Variants in NEMP2 observed in about 807,000 individuals in gnomAD.
The protein encoded by NEMP2 is nuclear envelope integral membrane protein 2, also known as UPF0571 transmembrane protein.
NEMP2 carries 53 observed loss-of-function variants against 54.2 expected under a neutral mutation model. The observed-to-expected ratio is 0.98, with a 90% CI of 0.78 to 1.23. NEMP2 has a LOEUF of 1.23. NEMP2 is among the 50% of genes most tolerant of loss of function. The pLI is 0.00. For missense variants in NEMP2, 455 were observed against 511.3 expected (o/e 0.89, Z 1.06); for synonymous variants, 197 against 190.3 (o/e 1.04, Z -0.29).
chr2:190,568,768 G>A, the NEMP2 span, among the ~76,000 whole-genome samples: 3 of 152,158 alleles, frequency 2.0e-5, no homozygotes, highest in Non-Finnish European at 4.4e-5. The surrounding 1 kb of genome is among the most constrained non-coding windows in gnomAD (Gnocchi z 4.7). Context: ...GTTGCTGTGA[G>A]CCGAGATTGC....
chr2:190,606,925 C>G, the NEMP2 span, among the ~76,000 whole-genome samples: 1 of 152,128 alleles, frequency 6.6e-6, no homozygotes, highest in Non-Finnish European at 1.5e-5. Context: ...ATAAGACCTA[C>G]TGGCAGCTTC....
At position 190,525,475 on chromosome 2, in the gene NEMP2, C is replaced by T. The variant is rs541963064; in HGVS notation, c.98-97G>A. On this transcript the variant is annotated intron_variant, in intron 1 of 8. Transcript: ENST00000409150. This position sits in a 1 kb window ranked among gnomAD's most constrained non-coding sequence, Gnocchi z 5.0. ...AGGGAGGTAACAGTAGCAGTTTTAA[C>T]GTTCTATGGCCAATAAATTCTCCTA... is the stretch of plus-strand genomic sequence containing the variant. 2.3e-5 allele frequency: 14 copies of T among 620,304 alleles called. No homozygotes were observed. The highest frequency in any genetic ancestry group is 1.4e-4 in the East Asian group (5 of 35,824). 38.4% of individuals were successfully genotyped at this position (620,304 alleles called of 1,614,324 possible).
At chr2:190,435,976 G>C in the NEMP2 span, 1 of 1,541,806 alleles carries the variant, frequency 6.5e-7, no homozygotes. Flanking sequence ...TTACTTTACA[G>C]ATCAACAGTA....
In NEMP2 at chr2:190,530,981, T is replaced by C. The variant is rs532700362; in HGVS notation, c.97+3578A>G. ...GAATTTGAGACCAGCCTGGGCAATA[T>C]GGTGAAACCCTGTCTTTACCAAAAA... is the stretch of plus-strand genomic sequence containing the variant. On this transcript the variant is annotated intron_variant, in intron 1 of 8. Coordinates refer to ENST00000409150, the MANE Select transcript of NEMP2 (RefSeq NM_001142645.2). The surrounding 1 kb of genome is among the most constrained non-coding windows in gnomAD (Gnocchi z 4.6). 1.3e-5 allele frequency among the ~76,000 whole-genome samples: 2 copies of C among 152,304 alleles called. No individual in the cohort carries two copies. The highest frequency in any genetic ancestry group is 2.1e-4 in the South Asian group (1 of 4,824).
At chr2:190,592,866 A>G in the NEMP2 span, among the ~76,000 whole-genome samples, 7 of 152,216 alleles carry the variant, frequency 4.6e-5, no homozygotes, top group Non-Finnish European at 8.8e-5. This position sits in a 1 kb window ranked among gnomAD's most constrained non-coding sequence, Gnocchi z 4.4. Context: ...ATACTTCTGT[A>G]TTAAGAGTAA....
At chr2:190,600,856 G>A in the NEMP2 span, among the ~76,000 whole-genome samples, 13 of 152,186 alleles carry the variant, frequency 8.5e-5, no homozygotes, top group African/African-American at 2.6e-4. The surrounding 1 kb of genome is among the most constrained non-coding windows in gnomAD (Gnocchi z 4.9). Context: ...AGGAATGTGC[G>A]GTGGCAGCCA....
At chr2:190,423,068 T>G in the NEMP2 span, among the ~76,000 whole-genome samples, 4 of 152,060 alleles carry the variant, frequency 2.6e-5, no homozygotes, top group African/African-American at 9.7e-5. The surrounding 1 kb of genome is among the most constrained non-coding windows in gnomAD (Gnocchi z 4.3). Flanking sequence ...CTTTTAAACT[T>G]TATTTTGAGA....
the NEMP2 span, among the ~76,000 whole-genome samples, chr2:190,430,788 G>C: frequency 3.3e-5 from 5 of 151,380 alleles, no homozygotes; most frequent in South Asian, 8.4e-4. Context: ...GCGGCCGGGC[G>C]GGCAGAGGCG....
At chr2:190,497,318 T>G in the NEMP2 span, 1 of 1,082,662 alleles carries the variant, frequency 9.2e-7, no homozygotes, top group Non-Finnish European at 1.3e-6. The surrounding 1 kb of genome is among the most constrained non-coding windows in gnomAD (Gnocchi z 5.2). Context: ...AGCAATTTAT[T>G]AATATTATCA....
the NEMP2 span, among the ~76,000 whole-genome samples, chr2:190,473,931 A>G: frequency 6.6e-6 from 1 of 152,388 alleles, no homozygotes; most frequent in Middle Eastern, 3.4e-3. Flanking sequence ...CTGCTCAAGT[A>G]CATGGAAACT....
At chr2:190,604,419 C>G in the NEMP2 span, among the ~76,000 whole-genome samples, 1 of 152,226 alleles carries the variant, frequency 6.6e-6, no homozygotes, top group African/African-American at 2.4e-5. The surrounding 1 kb of genome is among the most constrained non-coding windows in gnomAD (Gnocchi z 4.5). Context: ...TTCTACTGAA[C>G]ACAGGTGAGT....
rs1051503962 is a variant in NEMP2 at position 190,505,592 on chromosome 2, T to C, written c.*3597A>G. On this transcript the variant is annotated 3_prime_UTR_variant, in exon 9 of 9. Coordinates refer to ENST00000409150, the MANE Select transcript of NEMP2 (RefSeq NM_001142645.2). The surrounding 1 kb of genome is among the most constrained non-coding windows in gnomAD (Gnocchi z 5.8). ...TTATATTAGATAAGTATAGTATTCA[T>C]TTCAAATCTCTGGTGACCTATTAAG... is the stretch of plus-strand genomic sequence containing the variant. The C allele has an allele frequency of 2.6e-5, 4 of 152,230 alleles. No individual in the cohort carries two copies. Among genetic ancestry groups the C allele is most frequent in the African/African-American group, 9.6e-5 (4 of 41,462 alleles). The allele number at this position is 152,230 out of a possible 1,614,324, so 9.4% of individuals were successfully genotyped here.
Position 190,507,938 on chromosome 2 carries a change from A to G in NEMP2, c.*1251T>C, listed in dbSNP as rs1177115526. ...TTTTGATTCTCAGAATCAACTTAGCAACATCTTAACCCTGAGATTGTCTTG... is the reference window on the plus strand; with the variant it reads ...TTTTGATTCTCAGAATCAACTTAGCGACATCTTAACCCTGAGATTGTCTTG... On this transcript the variant is annotated 3_prime_UTR_variant, in exon 9 of 9. Transcript: ENST00000409150. The surrounding 1 kb of genome is among the most constrained non-coding windows in gnomAD (Gnocchi z 4.4). The G allele has an allele frequency of 1.3e-5, 2 of 152,210 alleles. No individual in the cohort carries two copies. The highest frequency in any genetic ancestry group is 2.9e-5 in the Non-Finnish European group (2 of 68,040). The allele number at this position is 152,210 out of a possible 1,614,324, so 9.4% of individuals were successfully genotyped here.
the NEMP2 span, chr2:190,624,732 A>T: frequency 6.6e-6 from 1 of 152,226 alleles, no homozygotes; most frequent in African/African-American, 2.4e-5. Context: ...ACATGCTGTC[A>T]TTCATATGTG....
chr2:190,545,198 C>T, the NEMP2 span, among the ~76,000 whole-genome samples: 1 of 152,170 alleles, frequency 6.6e-6, no homozygotes, highest in Non-Finnish European at 1.5e-5. Flanking sequence ...AATTTCCCAG[C>T]ATTGGGACTC....
At chr2:190,511,235 T>G (rs1164050586) in intron 7 of NEMP2, among the ~76,000 whole-genome samples, 1 of 152,184 alleles carries the variant, frequency 6.6e-6, no homozygotes, top group Admixed American at 6.5e-5. Flanking sequence ...TGTCCTTTTA[T>G]GCAGACCCTC....
chr2:190,547,904 A>C, the NEMP2 span, among the ~76,000 whole-genome samples: 1 of 152,216 alleles, frequency 6.6e-6, no homozygotes, highest in African/African-American at 2.4e-5. This position sits in a 1 kb window ranked among gnomAD's most constrained non-coding sequence, Gnocchi z 6.2. Context: ...ATCATGAGGA[A>C]AGTAAGGAAA....
At chr2:190,639,411 T>C in the NEMP2 span, among the ~76,000 whole-genome samples, 7 of 103,040 alleles carry the variant, frequency 6.8e-5, no homozygotes, top group Non-Finnish European at 9.3e-5. Flanking sequence ...TGCAAACAAG[T>C]GGATAAAAAC....
chr2:190,617,740 T>C, the NEMP2 span, among the ~76,000 whole-genome samples: 1 of 152,224 alleles, frequency 6.6e-6, no homozygotes, highest in Non-Finnish European at 1.5e-5. The surrounding 1 kb of genome is among the most constrained non-coding windows in gnomAD (Gnocchi z 5.0). Flanking sequence ...AAAAACAAGT[T>C]TTGATATTCC....
Sources: allele counts gnomAD v4.1 joint callset (sites outside exome capture counted in the v4.1 genomes callset), GRCh38; gene constraint gnomAD v4.1.1; non-coding constraint Gnocchi (gnomAD v3.1); transcripts MANE v1.5; gene names NCBI Gene and HGNC (gene_info 2026-07-23, HGNC 2026-07-21).